The following COMMD1 variants were observed in gnomAD, a reference collection of about 807,000 sequenced individuals.
The protein encoded by COMMD1 is COMM domain-containing protein 1.
In COMMD1, 10 loss-of-function variants were observed where a neutral mutation model predicts 17.2. That is an observed-to-expected ratio of 0.58 (90% CI 0.36 to 0.99). COMMD1 has a LOEUF of 0.99. Among genes scored for constraint, COMMD1 ranks in the 50% least tolerant of loss-of-function variants. The probability of loss-of-function intolerance (pLI) is 0.01; values close to 1 mark genes in which losing one functional copy is unlikely to be tolerated. For missense variants in COMMD1, 270 were observed against 231.8 expected (o/e 1.17, Z -1.07); for synonymous variants, 97 against 91.6 (o/e 1.06, Z -0.34).
At chr2:61,932,244 A>C (rs1451879207) in intron 1 of COMMD1, among the ~76,000 whole-genome samples, 4 of 152,224 alleles carry the variant, frequency 2.6e-5, no homozygotes, top group Non-Finnish European at 5.9e-5. Context: ...AAATGTATAC[A>C]AAAGGCACAA....
intron 2 of COMMD1, among the ~76,000 whole-genome samples, chr2:62,114,404 A>G (rs1010265851): frequency 2.0e-5 from 3 of 152,338 alleles, no homozygotes; most frequent in Non-Finnish European, 2.9e-5. Context: ...TCTTATCAAG[A>G]GGGCAAGGGA....
At chr2:61,993,695 G>C (rs1668659437) in intron 1 of COMMD1, among the ~76,000 whole-genome samples, 1 of 152,176 alleles carries the variant, frequency 6.6e-6, no homozygotes, top group Non-Finnish European at 1.5e-5. Context: ...AGTGAAAATT[G>C]ATGACTTTGA....
chr2:61,905,088 T>G (rs911655756), upstream of COMMD1, among the ~76,000 whole-genome samples: 5 of 152,244 alleles, frequency 3.3e-5, no homozygotes, highest in Admixed American at 3.3e-4. Flanking sequence ...AGCTATGCAT[T>G]TCATTTCAGG....
intron 1 of COMMD1, among the ~76,000 whole-genome samples, chr2:61,912,347 T>A (rs1669925364): frequency 6.6e-6 from 1 of 152,194 alleles, no homozygotes; most frequent in Non-Finnish European, 1.5e-5. Flanking sequence ...CCACTTACCA[T>A]ATGAGGAAAG....
intron 2 of COMMD1, among the ~76,000 whole-genome samples, chr2:62,073,810 T>A (rs1372055999): frequency 6.6e-6 from 1 of 152,160 alleles, no homozygotes. Context: ...GTGATTCTCC[T>A]GCCTCAGCCT....
At chr2:61,909,023 G>A (rs553089161) in intron 1 of COMMD1, among the ~76,000 whole-genome samples, 1 of 152,102 alleles carries the variant, frequency 6.6e-6, no homozygotes, top group Non-Finnish European at 1.5e-5. Context: ...CTGCCTCCCA[G>A]GTTCAAGCAA....
chr2:62,016,348 A>G (rs1270837039), intron 2 of COMMD1, among the ~76,000 whole-genome samples: 1 of 150,754 alleles, frequency 6.6e-6, no homozygotes, highest in Admixed American at 6.6e-5. Context: ...AGCTGGGACT[A>G]CAGGTGCAAG....
intron 1 of COMMD1, among the ~76,000 whole-genome samples, chr2:61,995,512 CATTGT>C (rs1239180935): frequency 2.0e-5 from 3 of 152,196 alleles, no homozygotes; most frequent in Non-Finnish European, 2.9e-5. Context: ...CTCTTCAAAT[CATTGT>C]TTGATGTCTC....
chr2:62,041,274 A>C (rs777432182), intron 2 of COMMD1, among the ~76,000 whole-genome samples: 1 of 152,162 alleles, frequency 6.6e-6, no homozygotes, highest in East Asian at 1.9e-4. Flanking sequence ...AAAAATCATG[A>C]ATCTCTTGAT....
At chr2:61,950,359 T>A (rs1401770922) in intron 1 of COMMD1, among the ~76,000 whole-genome samples, 1 of 152,210 alleles carries the variant, frequency 6.6e-6, no homozygotes, top group African/African-American at 2.4e-5. Context: ...CATTATCCGA[T>A]AATAGGCAGG....
chr2:61,956,953 G>C (rs188135367), intron 1 of COMMD1, among the ~76,000 whole-genome samples: 6 of 151,928 alleles, frequency 3.9e-5, no homozygotes, highest in Non-Finnish European at 8.8e-5. Flanking sequence ...GTTTCACCAG[G>C]TTGGCCAGGA....
rs373371611 is a variant in COMMD1 at position 61,892,065 on chromosome 2, C to T, written n.119+3223C>T. 7.8e-4 allele frequency among the ~76,000 whole-genome samples: 119 copies of T among 151,722 alleles called. 1 individual carries two copies. Among genetic ancestry groups the T allele is most frequent in the African/African-American group, 1.4e-3 (59 of 41,444 alleles). The stretch of plus-strand genomic sequence containing the variant: ...CCAGAATGGTCTCGATCTCCTGACC[C>T]GGTGATCCGCCTGCCTTGGCCTCCC... On this transcript the variant is annotated intron_variant and non_coding_transcript_variant, in intron 1 of 2. Transcript: ENST00000472729.
intron 2 of COMMD1, among the ~76,000 whole-genome samples, chr2:62,011,370 A>G (rs1481194736): frequency 2.0e-5 from 3 of 152,136 alleles, no homozygotes; most frequent in Admixed American, 2.0e-4. Flanking sequence ...AGTCATCCAC[A>G]ATTTGTGGAC....
intron 2 of COMMD1, among the ~76,000 whole-genome samples, chr2:62,044,949 T>C (rs758499214): frequency 7.9e-5 from 12 of 152,210 alleles, no homozygotes; most frequent in Non-Finnish European, 1.2e-4. Flanking sequence ...GGAACTAAGA[T>C]TGTAATTGCC....
chr2:61,889,202 C>CTTTTT (rs34949326), intron 1 of COMMD1, among the ~76,000 whole-genome samples: 7,382 of 54,784 alleles, frequency 0.13, 2,103 homozygotes, highest in Middle Eastern at 0.24. Context: ...GAAGCCCGGC[C>CTTTTT]TTTTTTTTTT....
intron 2 of COMMD1, among the ~76,000 whole-genome samples, chr2:62,027,342 A>C (rs568327468): frequency 6.6e-6 from 1 of 152,310 alleles, no homozygotes; most frequent in Non-Finnish European, 1.5e-5. Context: ...AATTTGATCT[A>C]ATGAGTTGAC....
At chr2:61,941,331 T>G (rs11674402) in intron 1 of COMMD1, among the ~76,000 whole-genome samples, 2,728 of 152,270 alleles carry the variant, frequency 0.018, 53 homozygotes, top group African/African-American at 0.041. Context: ...CCTGGCCTAC[T>G]CCAGTGTTTT....
chr2:62,022,875 A>T (rs1220342458), intron 2 of COMMD1, among the ~76,000 whole-genome samples: 1 of 152,176 alleles, frequency 6.6e-6, no homozygotes, highest in Non-Finnish European at 1.5e-5. Flanking sequence ...GCTGAGTTTC[A>T]TTCCTAAGTA....
At chr2:62,131,604 A>G (rs1014201780) in intron 2 of COMMD1, among the ~76,000 whole-genome samples, 7 of 151,918 alleles carry the variant, frequency 4.6e-5, no homozygotes, top group Non-Finnish European at 1.0e-4. Context: ...GTCCAGTGGC[A>G]TGATCTTGGC....
Sources: allele counts gnomAD v4.1 joint callset (sites outside exome capture counted in the v4.1 genomes callset), GRCh38; gene constraint gnomAD v4.1.1; transcripts MANE v1.5; gene names NCBI Gene and HGNC (gene_info 2026-07-23, HGNC 2026-07-21).